Variants in NUAK2 observed in about 807,000 individuals in gnomAD.
NUAK2 encodes the protein NUAK family kinase 2.
A neutral mutation model predicts 29.8 loss-of-function variants in NUAK2; 20 were observed. The ratio of observed to expected loss-of-function variants is 0.67; its 90% CI spans 0.47 to 0.98. NUAK2 has a LOEUF of 0.98. Among genes scored for constraint, NUAK2 ranks in the 50% least tolerant of loss-of-function variants. The pLI is 0.00. For synonymous variants in NUAK2, 331 were observed against 342.6 expected (o/e 0.97, Z 0.37); for missense variants, 719 against 834.5 (o/e 0.86, Z 1.71).
chr1:205,307,599 C>G (rs558280275), intron 4 of NUAK2, among the ~76,000 whole-genome samples: 26 of 152,338 alleles, frequency 1.7e-4, no homozygotes, highest in Non-Finnish European at 2.9e-4. Flanking sequence ...TCCTCCAGCC[C>G]TGAGATCTCA....
Position 205,304,456 on chromosome 1 carries a change from AG to A in NUAK2, c.880del (p.Leu294TrpfsTer186). 6.5e-7 allele frequency: 1 copy of A among 1,542,946 alleles called. No homozygotes were observed. The highest frequency in any genetic ancestry group is 2.3e-5 in the East Asian group (1 of 44,088). The part of the protein sequence containing the change: ...LMVNPTRRAT[L>X]EDVASHWWVN... ...CCACCAGTGACTGGCCACATCCTCC[AG>A]GGTGGCCCGGCGGGTGGGGTTCACC... On this transcript the variant is annotated frameshift_variant, in exon 7 of 7. Coordinates refer to ENST00000367157, the MANE Select transcript of NUAK2 (RefSeq NM_030952.3). LOFTEE classifies it low-confidence loss of function (END_TRUNC). This position sits in a 1 kb window ranked among gnomAD's most constrained non-coding sequence, Gnocchi z 6.5.
chr1:205,317,048 T>C (rs1305364449), intron 1 of NUAK2, among the ~76,000 whole-genome samples: 2 of 152,116 alleles, frequency 1.3e-5, no homozygotes, highest in African/African-American at 4.8e-5. Flanking sequence ...GAATGCCCCA[T>C]ATCTTGCCCT....
At chr1:205,311,883 C>T (rs773062798) in intron 1 of NUAK2, 58 bp from the exon 2 acceptor site, 31 of 1,605,984 alleles carry the variant, frequency 1.9e-5, no homozygotes, top group Non-Finnish European at 2.6e-5. Flanking sequence ...ACTCTGGGGG[C>T]CCTGGTCCTG....
chr1:205,308,797 C>T lies in NUAK2; in HGVS notation c.353-65G>A. ...GTGCACTGCTCTCCACTGGGGGTGACTCACTCCTCCCCGACCCCAGGCCCC... is the reference window on the plus strand; with the variant it reads ...GTGCACTGCTCTCCACTGGGGGTGATTCACTCCTCCCCGACCCCAGGCCCC... On this transcript the variant is annotated intron_variant, in intron 2 of 6. Transcript: ENST00000367157. This position sits in a 1 kb window ranked among gnomAD's most constrained non-coding sequence, Gnocchi z 4.1. 1.3e-6 allele frequency: 2 copies of T among 1,574,856 alleles called. No homozygotes were observed. The highest frequency in any genetic ancestry group is 1.7e-6 in the Non-Finnish European group (2 of 1,152,734).
intron 2 of NUAK2, among the ~76,000 whole-genome samples, chr1:205,310,380 A>C (rs1165089804): frequency 6.6e-6 from 1 of 152,186 alleles, no homozygotes; most frequent in Non-Finnish European, 1.5e-5. Flanking sequence ...ATTTCCCAGG[A>C]CTGAGGCACA....
At chr1:205,311,555 T>G in intron 2 of NUAK2, 150 bp downstream of exon 2, 5 of 938,222 alleles carry the variant, frequency 5.3e-6, no homozygotes, top group South Asian at 1.8e-5. Context: ...GTCATACAGC[T>G]GAGTTTCAAA....
Position 205,311,825 on chromosome 1 carries a change from C to A in NUAK2, c.232G>T (p.Val78Leu), listed in dbSNP as rs1368345074. 6.2e-7 allele frequency: 1 copy of A among 1,613,592 alleles called. No individual in the cohort carries two copies. Reference sequence around the variant, plus strand: ...TCCTTCCGGATTGACTTGATGGCCACCTGGGAAGAGAAGGCATGAGAGTGA... The same window carrying A: ...TCCTTCCGGATTGACTTGATGGCCAACTGGGAAGAGAAGGCATGAGAGTGA... ...KKARESSGRLVAIKSIRKDKI... is the reference protein window; with the variant it reads ...KKARESSGRLLAIKSIRKDKI... The change falls in exon 2 of 7, where the codon GTG becomes TTG. Residue 78 changes from valine (V) to leucine (L), a missense_variant and splice_region_variant. Physicochemically the swap from Val to Leu is conservative, Grantham distance 32. Around this residue, in one of 3 missense-constraint regions of NUAK2, gnomAD observed 283 missense variants for 345.6 expected, o/e 0.82. Transcript: ENST00000367157.
chr1:205,315,937 C>T (rs942291478), intron 1 of NUAK2, among the ~76,000 whole-genome samples: 1 of 151,984 alleles, frequency 6.6e-6, no homozygotes, highest in Non-Finnish European at 1.5e-5. Context: ...AATTGCTGAA[C>T]CAATCACCCA....
intron 1 of NUAK2, among the ~76,000 whole-genome samples, chr1:205,312,964 C>G (rs2102255564): frequency 6.6e-6 from 1 of 152,170 alleles, no homozygotes; most frequent in South Asian, 2.1e-4. Flanking sequence ...GCCAGTCACG[C>G]AAGGATCAAT....
chr1:205,315,138 G>A (rs1662309003), intron 1 of NUAK2, among the ~76,000 whole-genome samples: 1 of 152,166 alleles, frequency 6.6e-6, no homozygotes, highest in African/African-American at 2.4e-5. Flanking sequence ...CAGTACGGCT[G>A]GCACTTTCCA....
Position 205,308,803 on chromosome 1 carries a change from C to T in NUAK2, c.353-71G>A. 3 of 1,555,834 alleles carry T rather than the reference C, an allele frequency of 1.9e-6. No homozygotes were observed. Among genetic ancestry groups the T allele is most frequent in the South Asian group, 1.1e-5 (1 of 88,848 alleles). On this transcript the variant is annotated intron_variant, in intron 2 of 6. Transcript: ENST00000367157. This position sits in a 1 kb window ranked among gnomAD's most constrained non-coding sequence, Gnocchi z 4.1. ...TGCTCTCCACTGGGGGTGACTCACT[C>T]CTCCCCGACCCCAGGCCCCAAACCA... is the stretch of plus-strand genomic sequence containing the variant.
At chr1:205,306,040 A>T in intron 5 of NUAK2, 148 bp downstream of exon 5, 1 of 1,097,210 alleles carries the variant, frequency 9.1e-7, no homozygotes, top group Non-Finnish European at 1.3e-6. Flanking sequence ...ATTCCTGGCT[A>T]GACACCTGGC....
intron 1 of NUAK2, among the ~76,000 whole-genome samples, chr1:205,320,828 A>C (rs1574897366): frequency 6.6e-6 from 1 of 152,318 alleles, no homozygotes; most frequent in East Asian, 1.9e-4. Flanking sequence ...CATTTTCCAG[A>C]ATCAAAAACT....
chr1:205,319,192 C>A (rs1383727487), intron 1 of NUAK2, among the ~76,000 whole-genome samples: 4 of 152,106 alleles, frequency 2.6e-5, no homozygotes, highest in Non-Finnish European at 5.9e-5. Flanking sequence ...GGAAGGAGAC[C>A]CTGAGCAAGT....
At position 205,308,572 on chromosome 1, in the gene NUAK2, G is replaced by C. The variant is rs761547128; in HGVS notation, c.504+9C>G. Reference sequence around the variant, plus strand: ...ACTGAGAATATGGCTGGAGCAGGTAGGTGCTCACCTGATGGCAATAGTGCA... The same window carrying C: ...ACTGAGAATATGGCTGGAGCAGGTACGTGCTCACCTGATGGCAATAGTGCA... On this transcript the variant is annotated intron_variant, in intron 3 of 6. Transcript: ENST00000367157. This position sits in a 1 kb window ranked among gnomAD's most constrained non-coding sequence, Gnocchi z 4.1. The C allele has an allele frequency of 3.1e-6, 5 of 1,610,962 alleles. No individual in the cohort carries two copies. The highest frequency in any genetic ancestry group is 4.2e-6 in the Non-Finnish European group (5 of 1,177,540).
rs1357858126 is a variant in NUAK2 at position 205,314,676 on chromosome 1, A to G, written c.232-2851T>C. 3.3e-5 allele frequency among the ~76,000 whole-genome samples: 5 copies of G among 152,240 alleles called. No homozygotes were observed. In the East Asian group the frequency reaches 9.6e-4, roughly 29 times the overall value. On this transcript the variant is annotated intron_variant, in intron 1 of 6. Coordinates refer to ENST00000367157, the MANE Select transcript of NUAK2 (RefSeq NM_030952.3). ...AAAATAAAACAATGGATAAAGTTCT[A>G]TGAGCTCTTCAGAGATAAAGGTCCA...
Position 205,304,409 on chromosome 1 carries a change from G to T in NUAK2, c.928C>A (p.Arg310=). 6.3e-7 allele frequency: 1 copy of T among 1,599,748 alleles called. No homozygotes were observed. The change falls in exon 7 of 7, where the codon CGA becomes AGA. Residue 310 remains arginine (R), a synonymous_variant. Transcript: ENST00000367157. The surrounding 1 kb of genome is among the most constrained non-coding windows in gnomAD (Gnocchi z 6.5). Reference sequence around the variant, plus strand: ...TGCGGAGCCTCCTGCTCTCCCACTCGGGTGGCGTAGCCCCAGTTGACCCAC... The same window carrying T: ...TGCGGAGCCTCCTGCTCTCCCACTCTGGTGGCGTAGCCCCAGTTGACCCAC... ...HWWVNWGYAT[R]VGEQEAPHEG... is the part of the protein sequence containing the mutation.
At chr1:205,310,686 A>G (rs966047323) in intron 2 of NUAK2, among the ~76,000 whole-genome samples, 3 of 152,072 alleles carry the variant, frequency 2.0e-5, no homozygotes, top group Admixed American at 6.5e-5. Flanking sequence ...ACACACACAT[A>G]TATATACACA....
intron 1 of NUAK2, among the ~76,000 whole-genome samples, chr1:205,315,627 C>A (rs1389979505): frequency 6.6e-6 from 1 of 152,196 alleles, no homozygotes; most frequent in African/African-American, 2.4e-5. Flanking sequence ...AATCTCAGCA[C>A]TTTGGGAGAC....
Sources: gnomAD v4.1 joint callset for allele counts (sites outside exome capture counted in the v4.1 genomes callset) on GRCh38, gnomAD v4.1.1 for gene constraint, gnomAD v4.1.1 regional missense constraint, Gnocchi (gnomAD v3.1) non-coding constraint, MANE v1.5 for transcripts, NCBI Gene and HGNC (gene_info 2026-07-23, HGNC 2026-07-21) for gene names.